Variants in ZFHX4 observed in about 807,000 individuals in gnomAD.
ZFHX4 encodes zinc finger homeobox 4.
Under a neutral mutation model 267.6 loss-of-function variants are expected in ZFHX4, and 56 were observed. The observed-to-expected ratio is 0.21, with a 90% CI of 0.17 to 0.26. ZFHX4 has a LOEUF of 0.26. Ranked by LOEUF, ZFHX4 falls within the 10% of genes least tolerant of loss-of-function variation. The pLI is 1.00. For synonymous variants in ZFHX4, 1,778 were observed against 1,665.6 expected, an observed-to-expected ratio of 1.07 and a Z score of -1.64; for missense variants, 4,332 against 4,420.0, an observed-to-expected ratio of 0.98 and a Z score of 0.56.
chr8:76,850,964 A>C lies in ZFHX4; in HGVS notation c.4043A>C (p.Gln1348Pro). Reference protein sequence around the residue: ...KANVEVKNEEQKPTKEPLEVS... With the variant: ...KANVEVKNEEPKPTKEPLEVS... ...AATGTGGAAGTAAAGAATGAGGAGC[A>C]GAAACCGACTAAAGAACCCTTGGAA... is the stretch of plus-strand genomic sequence containing the variant. Residue 1348 changes from glutamine (Q) to proline (P), a missense_variant, in exon 10 of 11, where the codon CAG becomes CCG. Transcript: ENST00000651372. The C allele has an allele frequency of 6.2e-7, 1 of 1,613,808 alleles. No homozygotes were observed. The highest frequency in any genetic ancestry group is 8.5e-7 in the Non-Finnish European group (1 of 1,179,798).
chr8:76,770,827 A>T lies in ZFHX4; in HGVS notation c.3094-7381A>T, dbSNP rs555297431. On this transcript the variant is annotated intron_variant, in intron 3 of 10. Transcript: ENST00000651372. ...GCTGAGGGAATTCTGGAAGCTGTAT[A>T]CTCAGAATGAACCTTACACTTGGAA... 1.6e-3 allele frequency among the ~76,000 whole-genome samples: 238 copies of T among 152,300 alleles called. 1 individual carries two copies. Among genetic ancestry groups the T allele is most frequent in the Non-Finnish European group, 2.8e-3 (192 of 68,026 alleles).
At chr8:76,730,025 G>T (rs751202108) in intron 3 of ZFHX4, among the ~76,000 whole-genome samples, 1 of 152,188 alleles carries the variant, frequency 6.6e-6, no homozygotes, top group African/African-American at 2.4e-5. Context: ...CAACGAAGGA[G>T]AACTTGGTGT....
chr8:76,808,464 G>A (rs1301796682), intron 4 of ZFHX4, among the ~76,000 whole-genome samples: 2 of 152,106 alleles, frequency 1.3e-5, no homozygotes, highest in Non-Finnish European at 2.9e-5. Context: ...ACACTGCGAA[G>A]ACCTAGTAAG....
chr8:76,815,467 G>A (rs1054837532), intron 4 of ZFHX4, among the ~76,000 whole-genome samples: 4 of 152,060 alleles, frequency 2.6e-5, no homozygotes, highest in African/African-American at 9.7e-5. Context: ...CATGGTGGAA[G>A]GGATTAGCTA....
chr8:76,736,726 T>G (rs1204180862), intron 3 of ZFHX4, among the ~76,000 whole-genome samples: 1 of 152,144 alleles, frequency 6.6e-6, no homozygotes, highest in Non-Finnish European at 1.5e-5. Context: ...TATTCCCATA[T>G]AGAATTGATT....
chr8:76,731,780 A>G (rs375488983), intron 3 of ZFHX4, among the ~76,000 whole-genome samples: 4 of 151,756 alleles, frequency 2.6e-5, no homozygotes, highest in African/African-American at 9.7e-5. Flanking sequence ...CACTGGACTT[A>G]CTAATTTTAG....
intron 4 of ZFHX4, among the ~76,000 whole-genome samples, chr8:76,808,343 G>C (rs1811295290): frequency 6.6e-6 from 1 of 152,114 alleles, no homozygotes; most frequent in African/African-American, 2.4e-5. Flanking sequence ...AATACTAAAA[G>C]GAAAATAAAA....
At chr8:76,835,990 T>C (rs1173259480) in intron 5 of ZFHX4, among the ~76,000 whole-genome samples, 1 of 152,154 alleles carries the variant, frequency 6.6e-6, no homozygotes, top group East Asian at 1.9e-4. Context: ...CTTGTTCTCC[T>C]CTTTTCTCCA....
At chr8:76,843,681 C>T (rs1271837516) in intron 6 of ZFHX4, among the ~76,000 whole-genome samples, 4 of 152,094 alleles carry the variant, frequency 2.6e-5, no homozygotes, top group Non-Finnish European at 5.9e-5. Context: ...GGGTTCAAGC[C>T]TATTAGTTTC....
At position 76,858,089 on chromosome 8, in the gene ZFHX4, GT is replaced by G. The variant is rs1812778149; in HGVS notation, c.9379+1795del. The stretch of plus-strand genomic sequence containing the variant: ...CAATAAGTGGTGGTCAAAGCATCTT[GT>G]TTTTTCTCCACTGAGTCTGAAGGCC... On this transcript the variant is annotated intron_variant, in intron 10 of 10. Transcript: ENST00000651372. Among the ~76,000 whole-genome samples the G allele has an allele frequency of 2.0e-5, 3 of 152,316 alleles. No individual in the cohort carries two copies. The South Asian group carries it at 6.2e-4, about 32-fold the overall frequency.
rs778153315 is a variant in ZFHX4, at chr8:76,842,710, C to T, written c.3450C>T (p.Asp1150=). The change falls in exon 6 of 11, where the codon GAC becomes GAT. Residue 1150 remains aspartate, a synonymous_variant. Coordinates refer to ENST00000651372, the MANE Select transcript of ZFHX4 (RefSeq NM_024721.5). Reference sequence around the variant, plus strand: ...TTAAGCCTACAGCAGTGGCCGAGGACGATGAAAAAGACACAAGTGAGAGAG... The same window carrying T: ...TTAAGCCTACAGCAGTGGCCGAGGATGATGAAAAAGACACAAGTGAGAGAG... The part of the protein sequence containing the change: ...GAIKPTAVAE[D]DEKDTSERDN... The T allele has an allele frequency of 1.2e-5, 19 of 1,554,302 alleles. No individual in the cohort carries two copies. Among genetic ancestry groups the T allele is most frequent in the East Asian group, 7.3e-5 (3 of 41,100 alleles).
At chr8:76,862,098 T>G (rs923214477) in intron 10 of ZFHX4, among the ~76,000 whole-genome samples, 1 of 152,188 alleles carries the variant, frequency 6.6e-6, no homozygotes, top group Non-Finnish European at 1.5e-5. Context: ...ACAAGTCCCT[T>G]TTCTATCCTG....
At chr8:76,763,576 T>A (rs1192323486) in intron 3 of ZFHX4, among the ~76,000 whole-genome samples, 1 of 152,136 alleles carries the variant, frequency 6.6e-6, no homozygotes, top group Non-Finnish European at 1.5e-5. Context: ...TGAGCCGTGA[T>A]GGCCCCACTG....
At chr8:76,692,533 T>C (rs1350416068) in intron 1 of ZFHX4, among the ~76,000 whole-genome samples, 1 of 152,140 alleles carries the variant, frequency 6.6e-6, no homozygotes, top group Non-Finnish European at 1.5e-5. Flanking sequence ...AGCCAACTTA[T>C]GGGTCTCCAC....
chr8:76,784,635 C>T (rs1810640773), intron 4 of ZFHX4, among the ~76,000 whole-genome samples: 1 of 152,014 alleles, frequency 6.6e-6, no homozygotes, highest in East Asian at 1.9e-4. Flanking sequence ...AGGAACACTG[C>T]AGGGTTACCT....
intron 6 of ZFHX4, among the ~76,000 whole-genome samples, chr8:76,844,118 C>T (rs776364659): frequency 2.6e-5 from 4 of 152,040 alleles, no homozygotes; most frequent in Admixed American, 6.6e-5. Flanking sequence ...ATTAGAAGTA[C>T]CTAGTGATAA....
chr8:76,799,658 A>C (rs16939366), intron 4 of ZFHX4, among the ~76,000 whole-genome samples: 8,100 of 152,250 alleles, frequency 0.053, 429 homozygotes, highest in African/African-American at 0.13. Context: ...TCGAGTGTTT[A>C]CTAAGTGGTA....
chr8:76,756,525 A>G (rs1222473181), intron 3 of ZFHX4, among the ~76,000 whole-genome samples: 3 of 152,120 alleles, frequency 2.0e-5, no homozygotes, highest in Non-Finnish European at 4.4e-5. Context: ...CTGATGTTAG[A>G]TGCCTTATAA....
At position 76,851,654 on chromosome 8, in the gene ZFHX4, GTCCTGTCCCACAAGAAAC is replaced by G; in HGVS notation, c.4734_4751del (p.Pro1579_Thr1584del). 6.2e-7 allele frequency: 1 copy of G among 1,613,904 alleles called. No homozygotes were observed. The highest frequency in any genetic ancestry group is 1.6e-4 in the Middle Eastern group (1 of 6,062). On this transcript the variant is annotated inframe_deletion, in exon 10 of 11. Coordinates refer to ENST00000651372, the MANE Select transcript of ZFHX4 (RefSeq NM_024721.5). ...AAAAAAGTTTTGCAGGAAGCCTCCAGTCCTGTCCCACAAGAAACCAACAGCAACACAGATAACAAACCC... is the reference window on the plus strand; with the variant it reads ...AAAAAAGTTTTGCAGGAAGCCTCCAGCAACAGCAACACAGATAACAAACCC...
Sources: gnomAD v4.1 joint callset for allele counts (sites outside exome capture counted in the v4.1 genomes callset) on GRCh38, gnomAD v4.1.1 for gene constraint, MANE v1.5 for transcripts, NCBI Gene and HGNC (gene_info 2026-07-23, HGNC 2026-07-21) for gene names.